Variants in ARL3 observed in about 807,000 individuals in gnomAD.
The protein encoded by ARL3 is ARF like GTPase 3, also known as ADP-ribosylation factor-like protein 3.
A neutral mutation model predicts 26.0 loss-of-function variants in ARL3; 9 were observed. The observed-to-expected ratio is 0.35, with a 90% CI of 0.21 to 0.60. The LOEUF (loss-of-function observed/expected upper bound fraction) is 0.60. ARL3 is among the 20% of genes least tolerant of loss of function. The pLI is 0.78. For synonymous variants in ARL3, 71 were observed against 78.4 expected, an observed-to-expected ratio of 0.91 and a Z score of 0.50; for missense variants, 158 against 215.7, an observed-to-expected ratio of 0.73 and a Z score of 1.67.
At chr10:102,695,001 G>C (rs547678748) in intron 3 of ARL3, among the ~76,000 whole-genome samples, 7 of 152,348 alleles carry the variant, frequency 4.6e-5, no homozygotes, top group Admixed American at 4.6e-4. Flanking sequence ...GTGCGGGCGT[G>C]AGCCACTGCG....
intron 3 of ARL3, among the ~76,000 whole-genome samples, chr10:102,696,370 A>G (rs1443138546): frequency 6.7e-6 from 1 of 148,948 alleles, no homozygotes; most frequent in Admixed American, 6.7e-5. Context: ...GATTCAAGCA[A>G]TTCTCTGCCT....
intron 5 of ARL3, among the ~76,000 whole-genome samples, chr10:102,677,730 T>C (rs1021106176): frequency 6.6e-6 from 1 of 152,080 alleles, no homozygotes; most frequent in South Asian, 2.1e-4. Context: ...CTGGACACTC[T>C]CCCCTTCCCT....
At position 102,699,326 on chromosome 10, in the gene ARL3, A is replaced by G. The variant is rs763768939; in HGVS notation, c.264+47T>C. ...ATGTTACAGTGTCCATGTTTCTAACACATGGCAGAAAATACTATGAATTAG... is the reference window on the plus strand; with the variant it reads ...ATGTTACAGTGTCCATGTTTCTAACGCATGGCAGAAAATACTATGAATTAG... On this transcript the variant is annotated intron_variant, in intron 3 of 5. Transcript: ENST00000260746. 4 of 1,175,534 alleles carry G rather than the reference A, an allele frequency of 3.4e-6. No homozygotes were observed. The East Asian group carries it at 9.4e-5, about 28-fold the overall frequency. The allele number at this position is 1,175,534 out of a possible 1,614,324, so 72.8% of individuals were successfully genotyped here.
chr10:102,686,910 C>G lies in ARL3; in HGVS notation c.316-909G>C, dbSNP rs77768423. Among the ~76,000 whole-genome samples the G allele has an allele frequency of 3.9e-4, 44 of 113,414 alleles. 1 individual carries two copies. The East Asian group carries it at 0.01, about 27-fold the overall frequency. The allele number at this position is 113,414 out of a possible 152,430, so 74.4% of individuals were successfully genotyped here. A position where few individuals can be genotyped will look rare whatever the true frequency, so the allele number is the denominator to read the frequency against. On this transcript the variant is annotated intron_variant, in intron 4 of 5. Coordinates refer to ENST00000260746, the MANE Select transcript of ARL3 (RefSeq NM_004311.4). ...TTTTTTTTTTGAGACGAGTCTTGCT[C>G]TGTTGCCCAGGCTGGAGTGCAGTGG...
At chr10:102,705,563 T>C (rs1218165164) in intron 1 of ARL3, 74 bp from the exon 2 acceptor site, 1 of 1,372,074 alleles carries the variant, frequency 7.3e-7, no homozygotes, top group African/African-American at 1.5e-5. Context: ...GAGAATAACT[T>C]CTCCTTGAAA....
At chr10:102,681,935 G>A (rs1159364162) in intron 5 of ARL3, among the ~76,000 whole-genome samples, 2 of 152,138 alleles carry the variant, frequency 1.3e-5, no homozygotes, top group African/African-American at 4.8e-5. Flanking sequence ...GTCTGTGGGT[G>A]GAGGAGGGAT....
intron 3 of ARL3, among the ~76,000 whole-genome samples, chr10:102,692,408 C>G (rs191826996): frequency 6.6e-6 from 1 of 152,302 alleles, no homozygotes; most frequent in African/African-American, 2.4e-5. Flanking sequence ...GCTTTTGAAA[C>G]ATGTATACAC....
intron 1 of ARL3, among the ~76,000 whole-genome samples, chr10:102,708,623 G>A (rs1313197095): frequency 5.9e-5 from 9 of 151,870 alleles, no homozygotes; most frequent in Non-Finnish European, 8.8e-5. Flanking sequence ...TTGGGAGGCC[G>A]AGGTGGGTGG....
intron 1 of ARL3, among the ~76,000 whole-genome samples, chr10:102,710,360 T>C (rs996145452): frequency 2.0e-5 from 3 of 152,206 alleles, no homozygotes; most frequent in Admixed American, 6.5e-5. Flanking sequence ...GGGTTCTGCC[T>C]GAAAGGTACA....
At chr10:102,708,096 T>C (rs890606849) in intron 1 of ARL3, among the ~76,000 whole-genome samples, 2 of 152,034 alleles carry the variant, frequency 1.3e-5, no homozygotes, top group Non-Finnish European at 2.9e-5. Context: ...GTATTTTTTG[T>C]AGAGATGGGG....
intron 1 of ARL3, among the ~76,000 whole-genome samples, chr10:102,714,066 C>G (rs1245672217): frequency 6.6e-6 from 1 of 152,256 alleles, no homozygotes; most frequent in African/African-American, 2.4e-5. Context: ...CGCTGCAAGC[C>G]CCGCCTTCCT....
intron 5 of ARL3, among the ~76,000 whole-genome samples, chr10:102,684,381 C>A (rs1243823497): frequency 6.6e-6 from 1 of 151,976 alleles, no homozygotes; most frequent in Non-Finnish European, 1.5e-5. Context: ...GATCTCCTGA[C>A]CTCGTGATCT....
chr10:102,711,024 C>T (rs1373097978), intron 1 of ARL3, among the ~76,000 whole-genome samples: 1 of 152,144 alleles, frequency 6.6e-6, no homozygotes, highest in Non-Finnish European at 1.5e-5. Flanking sequence ...TCTGAAATTA[C>T]GAAGCCAACA....
At chr10:102,688,814 C>A (rs1261234562) in intron 4 of ARL3, among the ~76,000 whole-genome samples, 1 of 152,118 alleles carries the variant, frequency 6.6e-6, no homozygotes, top group East Asian at 1.9e-4. Context: ...TTGGCATGTG[C>A]ATTTTTTCCT....
rs181055185 is a variant in ARL3, at chr10:102,703,356, A to T, written c.147+1990T>A. ...AGGATGGTCTCCATGTCCTGACCTC[A>T]TGATCCACCCACCTCGGCCTCCCAA... On this transcript the variant is annotated intron_variant, in intron 2 of 5. Coordinates refer to ENST00000260746, the MANE Select transcript of ARL3 (RefSeq NM_004311.4). Among the ~76,000 whole-genome samples, 178 of 147,016 alleles carry T rather than the reference A, an allele frequency of 1.2e-3. 1 individual carries two copies. The highest frequency in any genetic ancestry group is 4.3e-3 in the African/African-American group (171 of 39,936).
chr10:102,680,105 G>A (rs1226771570), intron 5 of ARL3, among the ~76,000 whole-genome samples: 12 of 151,970 alleles, frequency 7.9e-5, no homozygotes, highest in Admixed American at 2.0e-4. Flanking sequence ...CACCATGCCC[G>A]ACTAATATTT....
chr10:102,682,651 G>A (rs1434661420), intron 5 of ARL3, among the ~76,000 whole-genome samples: 1 of 152,176 alleles, frequency 6.6e-6, no homozygotes, highest in Non-Finnish European at 1.5e-5. Flanking sequence ...GCAGCTCCAT[G>A]GCTGTTTCCT....
Position 102,700,338 on chromosome 10 carries a change from G to A in ARL3, c.148-849C>T, listed in dbSNP as rs374521761. Reference sequence around the variant, plus strand: ...GCAAGAGAATCACTTGAACCCTGGAGGCAGAGGTTGCAGTGAGCTGAGATC... The same window carrying A: ...GCAAGAGAATCACTTGAACCCTGGAAGCAGAGGTTGCAGTGAGCTGAGATC... On this transcript the variant is annotated intron_variant, in intron 2 of 5. Transcript: ENST00000260746. 5.4e-4 allele frequency among the ~76,000 whole-genome samples: 81 copies of A among 149,082 alleles called. 2 individuals carry two copies. In the South Asian group the frequency reaches 0.017, roughly 32 times the overall value.
In ARL3 at chr10:102,685,860, AGACTCGGTCGCG is replaced by A; in HGVS notation, c.445_456del (p.Arg149_Val152del). Reference sequence around the variant, plus strand: ...AGAGCTGAGCAAGACTGGATCTGCCAGACTCGGTCGCGGATGGTATGCAGGTTCAGTCCTTCT... The same window carrying A: ...AGAGCTGAGCAAGACTGGATCTGCCAGATGGTATGCAGGTTCAGTCCTTCT... On this transcript the variant is annotated inframe_deletion, in exon 5 of 6. Transcript: ENST00000260746. The A allele has an allele frequency of 6.2e-7, 1 of 1,614,086 alleles. No individual in the cohort carries two copies. The highest frequency in any genetic ancestry group is 8.5e-7 in the Non-Finnish European group (1 of 1,179,982).
Sources: gnomAD v4.1 joint callset for allele counts (sites outside exome capture counted in the v4.1 genomes callset) on GRCh38, gnomAD v4.1.1 for gene constraint, MANE v1.5 for transcripts, NCBI Gene and HGNC (gene_info 2026-07-23, HGNC 2026-07-21) for gene names.